Variants in CARHSP1 observed in about 807,000 individuals in gnomAD.
CARHSP1 encodes calcium-regulated heat-stable protein 1.
In CARHSP1, 14 loss-of-function variants were observed where a neutral mutation model predicts 12.5. The observed-to-expected ratio is 1.12, with a 90% CI of 0.74 to 1.75. The LOEUF (loss-of-function observed/expected upper bound fraction) is 1.75, where lower values mean the gene tolerates loss of function less well. Ranked by LOEUF, CARHSP1 falls within the 40% of genes most tolerant of loss-of-function variation. The pLI is 0.00. For missense variants in CARHSP1, 343 were observed against 201.6 expected (o/e 1.70, Z -4.25); for synonymous variants, 161 against 82.0 (o/e 1.96, Z -5.20).
chr16:8,852,987 GGGA>G lies in CARHSP1; in HGVS notation c.*2174_*2176del, dbSNP rs375832290. 2.9e-4 allele frequency: 44 copies of G among 152,248 alleles called. 1 individual carries two copies. Among genetic ancestry groups the G allele is most frequent in the African/African-American group, 1.1e-3 (44 of 41,546 alleles). 9.4% of individuals were successfully genotyped at this position (152,248 alleles called of 1,614,324 possible). The stretch of plus-strand genomic sequence containing the variant: ...ATTTATTGGGAGAAAGATGGCTGAT[GGGA>G]GGCAAGATCTGGATTCAGGAATCCT... On this transcript the variant is annotated 3_prime_UTR_variant, in exon 4 of 4. Transcript: ENST00000311052.
At chr16:8,861,718 C>A in intron 1 of CARHSP1, 1 of 1,288,056 alleles carries the variant, frequency 7.8e-7, no homozygotes, top group Non-Finnish European at 1.0e-6. Context: ...CTCCTGAGTC[C>A]GGGGAGCCCC....
rs1191861346 is a variant in CARHSP1 at position 8,866,529 on chromosome 16, G to A, written c.-8+2437C>T. 3.2e-6 allele frequency: 3 copies of A among 937,818 alleles called. No homozygotes were observed. The African/African-American group carries it at 5.3e-5, about 17-fold the overall frequency. The allele number at this position is 937,818 out of a possible 1,614,324, so 58.1% of individuals were successfully genotyped here. On this transcript the variant is annotated intron_variant, in intron 1 of 3. Coordinates refer to ENST00000311052, the MANE Select transcript of CARHSP1 (RefSeq NM_014316.4). ...AGCCTGGGAGAACTGCCGGCACGTG[G>A]GCCGAGAGGCGGGGCGGGTCAGCTG... is the stretch of plus-strand genomic sequence containing the variant.
chr16:8,867,924 C>G (rs2061476798), intron 1 of CARHSP1: 1 of 152,308 alleles, frequency 6.6e-6, no homozygotes, highest in Admixed American at 6.5e-5. Flanking sequence ...TGGGGTAGAT[C>G]TAAGCGGATT....
At chr16:8,857,217 A>G (rs2061146709) in intron 3 of CARHSP1, among the ~76,000 whole-genome samples, 1 of 142,242 alleles carries the variant, frequency 7.0e-6, no homozygotes, top group Non-Finnish European at 1.5e-5. Flanking sequence ...GGGCACCCCC[A>G]GATCCATTTC....
intron 1 of CARHSP1, chr16:8,868,569 G>A (rs1434643496): frequency 1.7e-4 from 25 of 150,526 alleles, no homozygotes; most frequent in Admixed American, 1.6e-3. Context: ...CCGGCGGGGG[G>A]TGGCTCTGCT....
chr16:8,858,924 A>G (rs113659855), intron 2 of CARHSP1: 4 of 459,766 alleles, frequency 8.7e-6, no homozygotes, highest in African/African-American at 5.8e-5. Context: ...AAGCCCAGCG[A>G]TTCTGACCCC....
chr16:8,860,552 T>C (rs1350424181), intron 1 of CARHSP1: 1 of 983,408 alleles, frequency 1.0e-6, no homozygotes, highest in East Asian at 1.1e-4. Flanking sequence ...TCCTTTCCCA[T>C]CTCTGGGCTC....
intron 1 of CARHSP1, among the ~76,000 whole-genome samples, chr16:8,864,219 G>C (rs1004085656): frequency 1.8e-4 from 28 of 152,208 alleles, no homozygotes; most frequent in African/African-American, 6.8e-4. Flanking sequence ...CCCACACATG[G>C]CTGTCTCTGC....
intron 1 of CARHSP1, chr16:8,861,669 C>T: frequency 2.3e-6 from 3 of 1,289,138 alleles, no homozygotes; most frequent in Non-Finnish European, 3.0e-6. Context: ...ATCCTACCTC[C>T]TGTCCCTTCT....
chr16:8,860,358 A>C lies in CARHSP1; in HGVS notation c.-7-1023T>G, dbSNP rs112581384. Reference sequence around the variant, plus strand: ...TGTGACCCCTAGTATGTACCGGTAAATCCAGCTGGAGGGCGGGAATTCCCT... The same window carrying C: ...TGTGACCCCTAGTATGTACCGGTAACTCCAGCTGGAGGGCGGGAATTCCCT... On this transcript the variant is annotated intron_variant, in intron 1 of 3. Transcript: ENST00000311052. 3.0e-6 allele frequency: 3 copies of C among 985,326 alleles called. No individual in the cohort carries two copies. The African/African-American group carries it at 5.2e-5, about 17-fold the overall frequency. 61.0% of individuals were successfully genotyped at this position (985,326 alleles called of 1,614,324 possible).
At chr16:8,861,718 C>T (rs897444061) in intron 1 of CARHSP1, 8 of 1,287,938 alleles carry the variant, frequency 6.2e-6, no homozygotes, top group African/African-American at 3.0e-5. Flanking sequence ...CTCCTGAGTC[C>T]GGGGAGCCCC....
At chr16:8,856,387 C>T (rs1000859057) in intron 3 of CARHSP1, among the ~76,000 whole-genome samples, 7 of 152,172 alleles carry the variant, frequency 4.6e-5, no homozygotes, top group African/African-American at 9.7e-5. Flanking sequence ...GATCTGGTCA[C>T]GAGGGAGCTC....
chr16:8,860,601 T>G (rs1359796334), intron 1 of CARHSP1: 1 of 766,802 alleles, frequency 1.3e-6, no homozygotes, highest in African/African-American at 1.9e-5. Context: ...TGGGTGGGCA[T>G]CACTTGGCAC....
At chr16:8,859,071 T>G in intron 2 of CARHSP1, 100 bp downstream of exon 2, 2 of 1,186,260 alleles carry the variant, frequency 1.7e-6, no homozygotes, top group African/African-American at 1.5e-5. Context: ...TATTTGGCAG[T>G]CCGGGACATA....
chr16:8,863,112 CTTTTTTT>C (rs71155412), intron 1 of CARHSP1, among the ~76,000 whole-genome samples: 9 of 74,144 alleles, frequency 1.2e-4, no homozygotes, highest in East Asian at 9.0e-4. Context: ...ACAAGGATGG[CTTTTTTT>C]TTTTTTTTTT....
intron 2 of CARHSP1, 43 bp from the exon 3 acceptor site, chr16:8,858,515 T>C: frequency 6.2e-7 from 1 of 1,604,128 alleles, no homozygotes; most frequent in Non-Finnish European, 8.5e-7. Context: ...TCAGCGCTCC[T>C]GGGCACACAA....
In CARHSP1 at chr16:8,853,024, G is replaced by C. The variant is rs551071347; in HGVS notation, c.*2140C>G. On this transcript the variant is annotated 3_prime_UTR_variant, in exon 4 of 4. Transcript: ENST00000311052. ...CTGGATTCAGGAATCCTCAATTTTA[G>C]CTCTCGCTCTGTCACCAAAACCCTC... 6 of 152,250 alleles carry C rather than the reference G, an allele frequency of 3.9e-5. No individual in the cohort carries two copies. In the South Asian group the frequency reaches 1.2e-3, roughly 32 times the overall value. 9.4% of individuals were successfully genotyped at this position (152,250 alleles called of 1,614,324 possible). A position where few individuals can be genotyped will look rare whatever the true frequency, so the allele number is the denominator to read the frequency against.
At position 8,857,263 on chromosome 16, in the gene CARHSP1, G is replaced by GTTTTTTT. The variant is rs756390920; in HGVS notation, c.281+1080_281+1086dup. ...TGGCTATGTGATCTTGGGCAGATCT[G>GTTTTTTT]TTTTTTTTTTTTTTTTTTTTTTTTT... On this transcript the variant is annotated intron_variant, in intron 3 of 3. Coordinates refer to ENST00000311052, the MANE Select transcript of CARHSP1 (RefSeq NM_014316.4). 2.6e-4 allele frequency among the ~76,000 whole-genome samples: 15 copies of GTTTTTTT among 57,034 alleles called. 2 individuals are homozygous for GTTTTTTT. Among genetic ancestry groups the GTTTTTTT allele is most frequent in the African/African-American group, 6.7e-4 (12 of 17,918 alleles). The allele number at this position is 57,034 out of a possible 152,430, so 37.4% of individuals were successfully genotyped here. A position where few individuals can be genotyped will look rare whatever the true frequency, so the allele number is the denominator to read the frequency against.
chr16:8,866,351 T>C (rs2061454515), intron 1 of CARHSP1: 2 of 806,816 alleles, frequency 2.5e-6, no homozygotes, highest in Non-Finnish European at 3.0e-6. Flanking sequence ...GCCCAAGGCT[T>C]AACAGTGCAG....
Sources: allele counts gnomAD v4.1 joint callset (sites outside exome capture counted in the v4.1 genomes callset), GRCh38; gene constraint gnomAD v4.1.1; transcripts MANE v1.5; gene names NCBI Gene and HGNC (gene_info 2026-07-23, HGNC 2026-07-21).